Variants in NUBPL observed in about 807,000 individuals in gnomAD.
The protein encoded by NUBPL is iron-sulfur cluster transfer protein NUBPL.
Under a neutral mutation model 45.7 loss-of-function variants are expected in NUBPL, and 31 were observed. That is an observed-to-expected ratio of 0.68 (90% CI 0.51 to 0.92). NUBPL has a LOEUF of 0.92. NUBPL is among the 40% of genes least tolerant of loss of function. NUBPL has a pLI of 0.00. For missense variants in NUBPL, 401 were observed against 398.7 expected, an observed-to-expected ratio of 1.01 and a Z score of -0.05; for synonymous variants, 144 against 140.9, an observed-to-expected ratio of 1.02 and a Z score of -0.15.
intron 8 of NUBPL, among the ~76,000 whole-genome samples, chr14:31,837,923 T>C (rs1051762616): frequency 2.0e-5 from 3 of 152,172 alleles, no homozygotes; most frequent in African/African-American, 4.8e-5. Flanking sequence ...CCTTTCACTG[T>C]CTCTGAACAA....
At chr14:31,655,736 G>A (rs1172760252) in intron 4 of NUBPL, among the ~76,000 whole-genome samples, 1 of 152,196 alleles carries the variant, frequency 6.6e-6, no homozygotes, top group Admixed American at 6.5e-5. Flanking sequence ...AGTAAGCCAT[G>A]CTGTGCTGTC....
chr14:31,740,940 G>A (rs1303146944), intron 6 of NUBPL, among the ~76,000 whole-genome samples: 4 of 152,142 alleles, frequency 2.6e-5, no homozygotes, highest in African/African-American at 9.7e-5. Flanking sequence ...CTATTGAAGC[G>A]TTTTTCTTCT....
chr14:31,708,179 T>C (rs139356357), intron 6 of NUBPL, among the ~76,000 whole-genome samples: 225 of 152,324 alleles, frequency 1.5e-3, no homozygotes, highest in Middle Eastern at 0.014. Context: ...TGTTTGGTTT[T>C]TGTACTCCTA....
chr14:31,603,068 T>C (rs1034953556), intron 4 of NUBPL, among the ~76,000 whole-genome samples: 6 of 151,872 alleles, frequency 4.0e-5, no homozygotes, highest in African/African-American at 1.5e-4. Context: ...TCCCAGCACT[T>C]TGGGAGACTG....
intron 7 of NUBPL, among the ~76,000 whole-genome samples, chr14:31,816,719 G>T (rs145349280): frequency 5.4e-4 from 82 of 152,074 alleles, no homozygotes; most frequent in Middle Eastern, 3.4e-3. Flanking sequence ...CAGAGATTCT[G>T]GTTTGTCGTC....
chr14:31,597,427 G>C (rs2034313824), intron 3 of NUBPL, among the ~76,000 whole-genome samples: 1 of 152,160 alleles, frequency 6.6e-6, no homozygotes, highest in Non-Finnish European at 1.5e-5. Context: ...CTTTAGGCAA[G>C]CTTGGTATTC....
chr14:31,754,132 C>T (rs753415271), intron 6 of NUBPL, among the ~76,000 whole-genome samples: 1 of 152,090 alleles, frequency 6.6e-6, no homozygotes, highest in African/African-American at 2.4e-5. Flanking sequence ...CTTGATGACC[C>T]CTATTCTCTT....
chr14:31,707,399 T>C (rs1224695434), intron 6 of NUBPL, among the ~76,000 whole-genome samples: 1 of 152,216 alleles, frequency 6.6e-6, no homozygotes, highest in Non-Finnish European at 1.5e-5. Context: ...CCATCTCTCT[T>C]TCTTTCTCTT....
At chr14:31,782,150 A>G (rs532325414) in intron 6 of NUBPL, among the ~76,000 whole-genome samples, 36 of 152,140 alleles carry the variant, frequency 2.4e-4, no homozygotes, top group Admixed American at 1.0e-3. Flanking sequence ...TAATCCCAAC[A>G]GTTTGGGAGG....
chr14:31,824,470 AAAATT>A (rs915630772), intron 7 of NUBPL, among the ~76,000 whole-genome samples: 143 of 152,344 alleles, frequency 9.4e-4, no homozygotes, highest in African/African-American at 2.7e-3. Context: ...GTATAGTTTA[AAAATT>A]AAATTAAATA....
At chr14:31,699,161 G>T (rs539309054) in intron 6 of NUBPL, among the ~76,000 whole-genome samples, 1 of 152,230 alleles carries the variant, frequency 6.6e-6, no homozygotes, top group Admixed American at 6.5e-5. Context: ...GGCCCATAAT[G>T]ACTTAAATAT....
At position 31,657,609 on chromosome 14, in the gene NUBPL, G is replaced by GT. The variant is rs1390212857; in HGVS notation, c.383-15740dup. Among the ~76,000 whole-genome samples, 22 of 152,086 alleles carry GT rather than the reference G, an allele frequency of 1.4e-4. 1 individual carries two copies. Among genetic ancestry groups the GT allele is most frequent in the Admixed American group, 8.5e-4 (13 of 15,256 alleles). The stretch of plus-strand genomic sequence containing the variant: ...TAATACAGGTTAAAGCCTTAAACAG[G>GT]TTTTTTCTTGCTTCATAATATACAC... On this transcript the variant is annotated intron_variant, in intron 4 of 10. Coordinates refer to ENST00000281081, the MANE Select transcript of NUBPL (RefSeq NM_025152.3).
At position 31,760,144 on chromosome 14, in the gene NUBPL, T is replaced by TGTGTGTGTGTGTGAGAGAGAGAGA; in HGVS notation, c.514-27635_514-27634insTGTGTGTGTGTGAGAGAGAGAGAG. On this transcript the variant is annotated intron_variant, in intron 6 of 10. Transcript: ENST00000281081. ...TGACTTTAGTGTGTGTGTGTGTGTG[T>TGTGTGTGTGTGTGAGAGAGAGAGA]GAGAGAGAGAGAGAGAGAGAGAGAG... Among the ~76,000 whole-genome samples the TGTGTGTGTGTGTGAGAGAGAGAGA allele has an allele frequency of 2.7e-3, 93 of 34,818 alleles. 2 individuals carry two copies. Among genetic ancestry groups the TGTGTGTGTGTGTGAGAGAGAGAGA allele is most frequent in the Admixed American group, 0.01 (28 of 2,730 alleles). 22.8% of individuals were successfully genotyped at this position (34,818 alleles called of 152,430 possible).
chr14:31,707,254 C>A (rs562676415), intron 6 of NUBPL, among the ~76,000 whole-genome samples: 1 of 152,204 alleles, frequency 6.6e-6, no homozygotes, highest in South Asian at 2.1e-4. Context: ...CGGGCTATGC[C>A]CTTGTTTACA....
At chr14:31,762,283 C>T (rs1241398743) in intron 6 of NUBPL, among the ~76,000 whole-genome samples, 1 of 152,186 alleles carries the variant, frequency 6.6e-6, no homozygotes, top group Non-Finnish European at 1.5e-5. Flanking sequence ...TCTTACTTAA[C>T]TGAACTAGAA....
rs531298914 is a variant in NUBPL at position 31,810,836 on chromosome 14, T to A, written c.608-15793T>A. 4.0e-5 allele frequency among the ~76,000 whole-genome samples: 6 copies of A among 151,804 alleles called. No individual in the cohort carries two copies. The South Asian group carries it at 1.2e-3, about 32-fold the overall frequency. On this transcript the variant is annotated intron_variant, in intron 7 of 10. Transcript: ENST00000281081. Reference sequence around the variant, plus strand: ...TGTTGGTGACAAAATCTCTCAGCATTTGCTAGTCTGTAAAGGATTTTATTT... The same window carrying A: ...TGTTGGTGACAAAATCTCTCAGCATATGCTAGTCTGTAAAGGATTTTATTT...
In NUBPL at chr14:31,815,036, G is replaced by A. The variant is rs201280121; in HGVS notation, c.608-11593G>A. On this transcript the variant is annotated intron_variant, in intron 7 of 10. Transcript: ENST00000281081. ...GCTATATGGGCTCTTTTTTGATTCC[G>A]TATGAAACTTAAAGTACCTTTTTCT... 6.6e-5 allele frequency among the ~76,000 whole-genome samples: 10 copies of A among 152,130 alleles called. No homozygotes were observed. In the East Asian group the frequency reaches 9.7e-4, roughly 15 times the overall value.
intron 4 of NUBPL, among the ~76,000 whole-genome samples, chr14:31,626,400 A>G (rs189170501): frequency 6.6e-6 from 1 of 152,268 alleles, no homozygotes; most frequent in Admixed American, 6.5e-5. Flanking sequence ...TTGTCCTCCC[A>G]AAGTGCTGGG....
chr14:31,857,648 A>G (rs902825754), intron 10 of NUBPL, among the ~76,000 whole-genome samples: 1 of 152,162 alleles, frequency 6.6e-6, no homozygotes, highest in African/African-American at 2.4e-5. Flanking sequence ...CTCAAATTCA[A>G]AGTTCCACAA....
Sources: allele counts gnomAD v4.1 joint callset (sites outside exome capture counted in the v4.1 genomes callset), GRCh38; gene constraint gnomAD v4.1.1; transcripts MANE v1.5; gene names NCBI Gene and HGNC (gene_info 2026-07-23, HGNC 2026-07-21).